DLG2: variants seen among roughly 807,000 people sequenced by gnomAD.
DLG2 encodes the protein disks large homolog 2.
In DLG2, 45 loss-of-function variants were observed where a neutral mutation model predicts 132.5. The observed-to-expected ratio is 0.34, with a 90% CI of 0.27 to 0.44. The LOEUF is 0.44. Ranked by LOEUF, DLG2 falls within the 20% of genes least tolerant of loss-of-function variation. DLG2 has a pLI of 1.00. For missense variants in DLG2, 1,045 were observed against 1,196.9 expected (o/e 0.87, Z 1.87); for synonymous variants, 424 against 419.6 (o/e 1.01, Z -0.13).
intron 4 of DLG2, among the ~76,000 whole-genome samples, chr11:85,171,247 C>T (rs1271850414): frequency 6.6e-6 from 1 of 152,124 alleles, no homozygotes; most frequent in Non-Finnish European, 1.5e-5. Context: ...AGGTAGACAG[C>T]TGGACCCATG....
intron 27 of DLG2, among the ~76,000 whole-genome samples, chr11:83,460,435 G>A (rs183172460): frequency 1.3e-5 from 2 of 152,268 alleles, no homozygotes; most frequent in Non-Finnish European, 2.9e-5. Context: ...GCCCTTAATA[G>A]GAAAACCCAT....
At chr11:85,340,019 GA>G (rs1288377701) in intron 3 of DLG2, among the ~76,000 whole-genome samples, 16 of 152,188 alleles carry the variant, frequency 1.1e-4, no homozygotes, top group Admixed American at 1.0e-3. Flanking sequence ...TGAGAAATAG[GA>G]ATGCTTTTAC....
intron 3 of DLG2, among the ~76,000 whole-genome samples, chr11:85,545,054 C>T (rs778244214): frequency 5.9e-5 from 9 of 152,274 alleles, no homozygotes; most frequent in South Asian, 2.1e-4. Context: ...AAGAGGGCAT[C>T]CTTGTGTTGT....
At chr11:84,532,799 G>A (rs976187791) in intron 7 of DLG2, among the ~76,000 whole-genome samples, 5 of 152,088 alleles carry the variant, frequency 3.3e-5, no homozygotes, top group Non-Finnish European at 7.3e-5. Context: ...CTTGATCTAT[G>A]GAGGTTCTTA....
intron 3 of DLG2, among the ~76,000 whole-genome samples, chr11:85,532,023 C>A (rs982421151): frequency 1.3e-5 from 2 of 152,166 alleles, no homozygotes; most frequent in Non-Finnish European, 2.9e-5. Context: ...CCATTATTAT[C>A]CAAGGAGAGA....
rs541167257 is a variant in DLG2 at position 84,222,200 on chromosome 11, T to G, written c.573+29038A>C. On this transcript the variant is annotated intron_variant, in intron 8 of 27. Coordinates refer to ENST00000376104, the MANE Select transcript of DLG2 (RefSeq NM_001142699.3). Reference sequence around the variant, plus strand: ...GGCATGTGCCACCACACCTGGCTAATTTTTTGTATTTAGTAGAGATGGGGT... The same window carrying G: ...GGCATGTGCCACCACACCTGGCTAAGTTTTTGTATTTAGTAGAGATGGGGT... Among the ~76,000 whole-genome samples the G allele has an allele frequency of 1.7e-4, 26 of 152,214 alleles. No individual in the cohort carries two copies. In the South Asian group the frequency reaches 2.7e-3, roughly 16 times the overall value.
At chr11:83,791,318 G>T in intron 17 of DLG2, 1 of 674,638 alleles carries the variant, frequency 1.5e-6, no homozygotes, top group Non-Finnish European at 2.6e-6. Flanking sequence ...TTTGGCTTCT[G>T]TTTGGCAGAA....
At chr11:83,555,489 G>A (rs1412323150) in intron 19 of DLG2, among the ~76,000 whole-genome samples, 1 of 152,206 alleles carries the variant, frequency 6.6e-6, no homozygotes, top group Non-Finnish European at 1.5e-5. Flanking sequence ...GGGTACAGTG[G>A]TGGCAATAGG....
intron 6 of DLG2, among the ~76,000 whole-genome samples, chr11:85,019,377 G>A (rs1326213572): frequency 6.6e-6 from 1 of 152,130 alleles, no homozygotes; most frequent in Admixed American, 6.6e-5. Context: ...GAAGATACTA[G>A]GGGAGAGGAT....
chr11:85,065,331 C>CA (rs1182454978), intron 6 of DLG2, among the ~76,000 whole-genome samples: 26 of 151,028 alleles, frequency 1.7e-4, no homozygotes, highest in Admixed American at 9.3e-4. Flanking sequence ...TATGTTACTC[C>CA]TTTTTTTTAA....
chr11:85,267,241 C>T (rs1200426885), intron 4 of DLG2, among the ~76,000 whole-genome samples: 3 of 152,188 alleles, frequency 2.0e-5, no homozygotes, highest in East Asian at 1.9e-4. Context: ...TACAACAACA[C>T]GGCTATCTAT....
At chr11:84,341,217 T>C (rs2098512942) in intron 7 of DLG2, among the ~76,000 whole-genome samples, 2 of 152,158 alleles carry the variant, frequency 1.3e-5, no homozygotes, top group South Asian at 4.1e-4. Context: ...TTGTTCTCTC[T>C]TAAGATATAT....
intron 2 of DLG2, among the ~76,000 whole-genome samples, chr11:85,620,346 C>T (rs866291482): frequency 1.3e-5 from 2 of 152,172 alleles, no homozygotes; most frequent in Non-Finnish European, 2.9e-5. Context: ...GGAGACACAA[C>T]AATATTAAAG....
At chr11:83,967,433 G>A (rs1439952190) in intron 12 of DLG2, among the ~76,000 whole-genome samples, 3 of 152,070 alleles carry the variant, frequency 2.0e-5, no homozygotes, top group Non-Finnish European at 2.9e-5. Context: ...CATCCTAACA[G>A]TTGTGAAGTG....
At chr11:85,540,194 A>T (rs78658098) in intron 3 of DLG2, among the ~76,000 whole-genome samples, 1 of 152,200 alleles carries the variant, frequency 6.6e-6, no homozygotes. Flanking sequence ...GCCCACGGAC[A>T]TAAGTGAGGA....
intron 6 of DLG2, among the ~76,000 whole-genome samples, chr11:84,972,250 G>A (rs573392299): frequency 7.4e-4 from 113 of 152,160 alleles, no homozygotes; most frequent in African/African-American, 2.6e-3. Flanking sequence ...ATGGTCATTG[G>A]GCTTGTGTTT....
intron 18 of DLG2, among the ~76,000 whole-genome samples, chr11:83,744,872 G>A (rs1159207377): frequency 6.6e-6 from 1 of 152,182 alleles, no homozygotes; most frequent in Non-Finnish European, 1.5e-5. Flanking sequence ...GACCTGCCCT[G>A]TAGTCATCAG....
chr11:84,258,861 C>G (rs935309464), intron 7 of DLG2, among the ~76,000 whole-genome samples: 4 of 152,176 alleles, frequency 2.6e-5, no homozygotes, highest in Non-Finnish European at 4.4e-5. Flanking sequence ...GACTTAGATT[C>G]AATTCCCCAG....
chr11:84,567,350 A>T (rs2099461004), intron 6 of DLG2, among the ~76,000 whole-genome samples: 1 of 152,208 alleles, frequency 6.6e-6, no homozygotes, highest in Admixed American at 6.5e-5. Flanking sequence ...CTGGATGACG[A>T]ATCAATTGTG....
Sources: gnomAD v4.1 joint callset for allele counts (sites outside exome capture counted in the v4.1 genomes callset) on GRCh38, gnomAD v4.1.1 for gene constraint, MANE v1.5 for transcripts, NCBI Gene and HGNC (gene_info 2026-07-23, HGNC 2026-07-21) for gene names.